The following MPP2 variants were observed in gnomAD, a reference collection of about 807,000 sequenced individuals.
The protein encoded by MPP2 is MAGUK p55 scaffold protein 2.
A neutral mutation model predicts 58.5 loss-of-function variants in MPP2; 42 were observed. The ratio of observed to expected loss-of-function variants is 0.72; its 90% confidence interval spans 0.56 to 0.93. The LOEUF (loss-of-function observed/expected upper bound fraction) is 0.93, where lower values mean the gene tolerates loss of function less well. MPP2 is among the 40% of genes least tolerant of loss of function. The probability of loss-of-function intolerance (pLI) is 0.00; values close to 1 mark genes in which losing one functional copy is unlikely to be tolerated. For synonymous variants in MPP2, 300 were observed against 307.8 expected, an observed-to-expected ratio of 0.97 and a Z score of 0.26; for missense variants, 632 against 760.4, an observed-to-expected ratio of 0.83 and a Z score of 1.99.
At chr17:43,904,345 G>A (rs573289888) in intron 2 of MPP2, 85 bp downstream of exon 2, 1 of 1,312,250 alleles carries the variant, frequency 7.6e-7, no homozygotes, top group African/African-American at 1.4e-5. Flanking sequence ...TTCTTATCTG[G>A]AGCTGTGCAA....
At chr17:43,904,643 C>T (rs1250465466) in intron 1 of MPP2, 150 bp from the exon 2 acceptor site, 3 of 617,328 alleles carry the variant, frequency 4.9e-6, no homozygotes, top group African/African-American at 3.7e-5. Context: ...ATGATTCCAA[C>T]GGTCCTGGGA....
At chr17:43,878,983 T>C (rs1368113626) in intron 12 of MPP2, among the ~76,000 whole-genome samples, 1 of 152,100 alleles carries the variant, frequency 6.6e-6, no homozygotes, top group African/African-American at 2.4e-5. Flanking sequence ...CCTCGGGAAC[T>C]CTCTCTGGCC....
At chr17:43,898,993 C>T (rs2047973736) in intron 2 of MPP2, among the ~76,000 whole-genome samples, 1 of 151,158 alleles carries the variant, frequency 6.6e-6, no homozygotes, top group South Asian at 2.1e-4. Flanking sequence ...CGCCTGTAAT[C>T]CCAGCACTTT....
intron 3 of MPP2, among the ~76,000 whole-genome samples, chr17:43,894,252 A>C (rs928074555): frequency 2.0e-5 from 3 of 151,656 alleles, no homozygotes; most frequent in Non-Finnish European, 4.4e-5. Flanking sequence ...CCCCATCTCT[A>C]CTAAAAATAC....
chr17:43,880,598 GC>G lies in MPP2; in HGVS notation c.1150+92del. 7.0e-7 allele frequency: 1 copy of G among 1,418,474 alleles called. No homozygotes were observed. 87.9% of individuals were successfully genotyped at this position (1,418,474 alleles called of 1,614,324 possible). ...ACCCAAAGGTACCACCTGGCCTGGT[GC>G]CCATGAAGATGCCCATTCGGTGGGC... On this transcript the variant is annotated intron_variant, in intron 10 of 12. Transcript: ENST00000269095. The surrounding 1 kb of genome is among the most constrained non-coding windows in gnomAD (Gnocchi z 5.2).
At chr17:43,898,139 C>T in intron 3 of MPP2, 123 bp downstream of exon 3, 1 of 775,744 alleles carries the variant, frequency 1.3e-6, no homozygotes, top group Non-Finnish European at 2.2e-6. Context: ...TCTACAATCC[C>T]CTTCAGGGGG....
chr17:43,884,950 G>A (rs942689362), intron 3 of MPP2, among the ~76,000 whole-genome samples: 2 of 151,942 alleles, frequency 1.3e-5, no homozygotes, highest in South Asian at 2.1e-4. Context: ...GTGAAACCCC[G>A]TTTCTACTAC....
At chr17:43,909,639 C>A, upstream of MPP2, 2 of 1,447,062 alleles carry the variant, frequency 1.4e-6, no homozygotes, top group Non-Finnish European at 1.8e-6. Context: ...TGGAGCCCAA[C>A]TCATTATTCT....
chr17:43,881,268 C>T lies in MPP2; in HGVS notation c.895G>A (p.Asp299Asn), dbSNP rs752423998. The change falls in exon 8 of 13, where the codon GAC (aspartate) becomes AAC (asparagine). Residue 299 changes from aspartate to asparagine, a missense_variant. Coordinates refer to ENST00000269095, the MANE Select transcript of MPP2 (RefSeq NM_005374.5). ...EEKRKAFVKR[D>N]LELTPNSGTL... ...CCTGAGTTTGGTGTCAGCTCCAGGT[C>T]CCTCTTGACAAATGCTTTCCGCTTC... 1 of 1,614,028 alleles carries T rather than the reference C, an allele frequency of 6.2e-7. No homozygotes were observed. The highest frequency in any genetic ancestry group is 1.1e-5 in the South Asian group (1 of 91,072).
Position 43,879,955 on chromosome 17 carries a change from G to A in MPP2, c.1180C>T (p.Arg394Trp), listed in dbSNP as rs371532689. ...ACAAAGCTGTAACCCTGACCTTCCC[G>A]CTCTGAGTCTTTCGGCCGCCGGGAG... is the stretch of plus-strand genomic sequence containing the variant. Reference protein sequence around the residue: ...YTSRRPKDSEREGQGYSFVSR... With the variant: ...YTSRRPKDSEWEGQGYSFVSR... The change falls in exon 11 of 13, where the codon CGG (arginine) becomes TGG (tryptophan). Residue 394 changes from arginine (R) to tryptophan (W), a missense_variant. Coordinates refer to ENST00000269095, the MANE Select transcript of MPP2 (RefSeq NM_005374.5). The surrounding 1 kb of genome is among the most constrained non-coding windows in gnomAD (Gnocchi z 4.1). 5.1e-5 allele frequency: 82 copies of A among 1,614,032 alleles called. No homozygotes were observed. Among genetic ancestry groups the A allele is most frequent in the Middle Eastern group, 1.6e-4 (1 of 6,062 alleles).
At chr17:43,909,248 T>G (rs1456186959), upstream of MPP2, among the ~76,000 whole-genome samples, 1 of 152,120 alleles carries the variant, frequency 6.6e-6, no homozygotes, top group African/African-American at 2.4e-5. Context: ...GTATTTTTAG[T>G]AGAGACAGGG....
At chr17:43,894,444 TAC>T (rs201714611) in intron 3 of MPP2, among the ~76,000 whole-genome samples, 7,817 of 80,848 alleles carry the variant, frequency 0.097, 473 homozygotes, top group South Asian at 0.14. Flanking sequence ...TATATATATA[TAC>T]ACACACACAC....
intron 1 of MPP2, among the ~76,000 whole-genome samples, chr17:43,906,398 C>A (rs958404805): frequency 3.3e-5 from 5 of 152,188 alleles, no homozygotes; most frequent in African/African-American, 9.7e-5. Flanking sequence ...CATCTGGGAA[C>A]CTGCACCTCG....
Position 43,904,444 on chromosome 17 carries a change from G to A in MPP2, c.17C>T (p.Thr6Ile). The change falls in exon 2 of 13, where the codon ACC becomes ATC. Residue 6 changes from threonine (T) to isoleucine (I), a missense_variant. Thr to Ile is a moderately conservative substitution (Grantham distance 89, BLOSUM62 -1). Coordinates refer to ENST00000269095, the MANE Select transcript of MPP2 (RefSeq NM_005374.5). MPVAA[T>I]NSETAMQQVL... ...CCCCTTCTTACCAGTTTCAGAGTTG[G>A]TGGCGGCAACCGGCATGGTGAAGGA... The A allele has an allele frequency of 6.2e-7, 1 of 1,614,056 alleles. No individual in the cohort carries two copies. The highest frequency in any genetic ancestry group is 1.1e-5 in the South Asian group (1 of 91,066).
At position 43,880,892 on chromosome 17, in the gene MPP2, G is replaced by A. The variant is rs749080241; in HGVS notation, c.989-40C>T. ...ATGGCGCTGCTCACCAGGCTGCACG[G>A]TGAGGGAGGGGCGGAGCTCTCAGGG... On this transcript the variant is annotated intron_variant, in intron 9 of 12. Coordinates refer to ENST00000269095, the MANE Select transcript of MPP2 (RefSeq NM_005374.5). The surrounding 1 kb of genome is among the most constrained non-coding windows in gnomAD (Gnocchi z 5.2). 7.0e-6 allele frequency: 11 copies of A among 1,573,700 alleles called. No homozygotes were observed. In the Admixed American group the frequency reaches 7.0e-5, roughly 10 times the overall value.
At chr17:43,904,873 T>C (rs1225905688) in intron 1 of MPP2, among the ~76,000 whole-genome samples, 2 of 152,186 alleles carry the variant, frequency 1.3e-5, no homozygotes, top group Admixed American at 1.3e-4. Flanking sequence ...GTAGAATTTT[T>C]AGAGGGTAAG....
Position 43,879,792 on chromosome 17 carries a change from A to T in MPP2, c.1343T>A (p.Val448Asp). The change falls in exon 11 of 13, where the codon GTC becomes GAC. Residue 448 changes from valine (V) to aspartate (D), a missense_variant. Physicochemically the swap from Val to Asp is radical, Grantham distance 152 (BLOSUM62 -3). Coordinates refer to ENST00000269095, the MANE Select transcript of MPP2 (RefSeq NM_005374.5). This position sits in a 1 kb window ranked among gnomAD's most constrained non-coding sequence, Gnocchi z 4.1. ...VAAGKVCVLD[V>D]NPQAVKVLRT... ...GCAGAGTGGCGGTACCTGGGGGTTGACATCCAGCACGCACACCTTCCCAGC... is the reference window on the plus strand; with the variant it reads ...GCAGAGTGGCGGTACCTGGGGGTTGTCATCCAGCACGCACACCTTCCCAGC... 1.2e-6 allele frequency: 2 copies of T among 1,613,358 alleles called. No individual in the cohort carries two copies. Among genetic ancestry groups the T allele is most frequent in the Non-Finnish European group, 1.7e-6 (2 of 1,179,812 alleles).
rs1038665230 is a variant in MPP2, at chr17:43,879,361, C to T, written c.1396G>A (p.Val466Met). The change falls in exon 12 of 13, where the codon GTG becomes ATG. Residue 466 changes from valine to methionine, a missense_variant. By Grantham distance (21) the Val-to-Met change is conservative (BLOSUM62 1). Transcript: ENST00000269095. This position sits in a 1 kb window ranked among gnomAD's most constrained non-coding sequence, Gnocchi z 4.1. ...LRTAEFVPYV[V>M]FIEAPDFETL... ...TCGAAGTCTGGGGCCTCGATGAACA[C>T]CACGTAAGGGACAAACTCGGCCGTT... 6.2e-7 allele frequency: 1 copy of T among 1,614,032 alleles called. No homozygotes were observed. Among genetic ancestry groups the T allele is most frequent in the Non-Finnish European group, 8.5e-7 (1 of 1,180,026 alleles).
intron 1 of MPP2, among the ~76,000 whole-genome samples, 184 bp from the exon 2 acceptor site, chr17:43,904,677 G>A (rs1039619124): frequency 3.3e-5 from 5 of 152,158 alleles, no homozygotes; most frequent in Admixed American, 6.5e-5. Flanking sequence ...GGTATTACTC[G>A]CCTATTTCTC....
Sources: allele counts gnomAD v4.1 joint callset (sites outside exome capture counted in the v4.1 genomes callset), GRCh38; gene constraint gnomAD v4.1.1; non-coding constraint Gnocchi (gnomAD v3.1); transcripts MANE v1.5; gene names NCBI Gene and HGNC (gene_info 2026-07-23, HGNC 2026-07-21).